Variants in SLC2A13 observed in about 807,000 individuals in gnomAD.
SLC2A13 encodes the protein solute carrier family 2 member 13, also known as proton myo-inositol cotransporter.
SLC2A13 carries 32 observed loss-of-function variants against 64.4 expected under a neutral mutation model. The ratio of observed to expected loss-of-function variants is 0.50; its 90% CI spans 0.37 to 0.67. The LOEUF (loss-of-function observed/expected upper bound fraction) is 0.67. Among genes scored for constraint, SLC2A13 ranks in the 30% least tolerant of loss-of-function variants. The probability of loss-of-function intolerance (pLI) is 0.00; values close to 1 mark genes in which losing one functional copy is unlikely to be tolerated. For synonymous variants in SLC2A13, 338 were observed against 327.1 expected, an observed-to-expected ratio of 1.03 and a Z score of -0.36; for missense variants, 743 against 829.2, an observed-to-expected ratio of 0.90 and a Z score of 1.28.
At chr12:40,044,588 T>C (rs1264945250) in intron 2 of SLC2A13, among the ~76,000 whole-genome samples, 1 of 152,208 alleles carries the variant, frequency 6.6e-6, no homozygotes, top group Non-Finnish European at 1.5e-5. Context: ...GTACAGAATG[T>C]ACTATGATAA....
chr12:39,919,199 G>A (rs551544101), intron 4 of SLC2A13, among the ~76,000 whole-genome samples: 1 of 152,118 alleles, frequency 6.6e-6, no homozygotes, highest in African/African-American at 2.4e-5. Flanking sequence ...AAAATGCTGG[G>A]ATTCCTGGTG....
intron 1 of SLC2A13, among the ~76,000 whole-genome samples, chr12:40,062,385 GA>G (rs11375829): frequency 1.3e-5 from 2 of 150,512 alleles, no homozygotes; most frequent in African/African-American, 4.9e-5. Context: ...AGCTTCAGGG[GA>G]AAAAAAAATC....
chr12:39,920,885 A>T (rs538209054), intron 4 of SLC2A13, among the ~76,000 whole-genome samples: 1 of 152,184 alleles, frequency 6.6e-6, no homozygotes, highest in South Asian at 2.1e-4. Flanking sequence ...AGCTAGCGAC[A>T]CATCATCAAA....
At chr12:39,836,087 G>C (rs1489595754) in intron 6 of SLC2A13, among the ~76,000 whole-genome samples, 2 of 152,060 alleles carry the variant, frequency 1.3e-5, no homozygotes, top group Admixed American at 6.6e-5. Flanking sequence ...GAAAGAAAGA[G>C]CTCTCTTTGA....
chr12:39,806,460 C>T (rs115257437), intron 7 of SLC2A13, among the ~76,000 whole-genome samples: 1 of 152,100 alleles, frequency 6.6e-6, no homozygotes, highest in Non-Finnish European at 1.5e-5. Flanking sequence ...TATATATTTT[C>T]CCTGGGATCC....
intron 4 of SLC2A13, among the ~76,000 whole-genome samples, chr12:39,878,836 C>T (rs1944265696): frequency 1.3e-5 from 2 of 152,192 alleles, no homozygotes; most frequent in Non-Finnish European, 2.9e-5. Flanking sequence ...GTGCTAATAG[C>T]CAAGACTATG....
chr12:40,025,428 T>A (rs1283911803), intron 3 of SLC2A13, among the ~76,000 whole-genome samples: 1 of 152,048 alleles, frequency 6.6e-6, no homozygotes, highest in East Asian at 1.9e-4. Flanking sequence ...GAAAAAAAAA[T>A]TCCTATGAAA....
intron 1 of SLC2A13, among the ~76,000 whole-genome samples, chr12:40,098,045 ATG>A (rs1368856451): frequency 1.3e-5 from 2 of 151,002 alleles, no homozygotes; most frequent in Admixed American, 6.6e-5. Context: ...ATATGTATAT[ATG>A]TGTATATATG....
chr12:39,960,671 G>A (rs946235788), intron 3 of SLC2A13, among the ~76,000 whole-genome samples: 2 of 151,088 alleles, frequency 1.3e-5, no homozygotes, highest in African/African-American at 2.4e-5. Flanking sequence ...GAGCCACCGC[G>A]CCCGGCCTAA....
intron 5 of SLC2A13, among the ~76,000 whole-genome samples, chr12:39,871,344 A>T (rs1944047628): frequency 6.6e-6 from 1 of 151,956 alleles, no homozygotes; most frequent in Non-Finnish European, 1.5e-5. Context: ...TTGTGAAGAA[A>T]TTACATGGTT....
intron 2 of SLC2A13, among the ~76,000 whole-genome samples, chr12:40,032,406 T>C (rs1947919093): frequency 6.6e-6 from 1 of 152,238 alleles, no homozygotes; most frequent in African/African-American, 2.4e-5. Context: ...TAAAATTTTC[T>C]AAACTTACAG....
intron 6 of SLC2A13, among the ~76,000 whole-genome samples, chr12:39,863,174 C>A (rs979932326): frequency 5.9e-5 from 9 of 152,044 alleles, no homozygotes; most frequent in African/African-American, 1.7e-4. Flanking sequence ...ACTTCTCTTA[C>A]CTCATTAAAA....
At chr12:39,892,919 A>C (rs993903321) in intron 4 of SLC2A13, among the ~76,000 whole-genome samples, 4 of 152,222 alleles carry the variant, frequency 2.6e-5, no homozygotes, top group Admixed American at 1.3e-4. Context: ...TTAGCAAAGA[A>C]AAAAAGCAAA....
rs111716178 is a variant in SLC2A13 at position 39,825,206 on chromosome 12, C to G, written c.1445+4897G>C. Reference sequence around the variant, plus strand: ...AAGAAAGTGTCCCTCATTAGCAATACTATTTTAAATAGTCAGGAGGTTTGA... The same window carrying G: ...AAGAAAGTGTCCCTCATTAGCAATAGTATTTTAAATAGTCAGGAGGTTTGA... On this transcript the variant is annotated intron_variant, in intron 7 of 9. Coordinates refer to ENST00000280871, the MANE Select transcript of SLC2A13 (RefSeq NM_052885.4). 1.9e-3 allele frequency among the ~76,000 whole-genome samples: 287 copies of G among 152,100 alleles called. 2 individuals carry two copies. The highest frequency in any genetic ancestry group is 6.5e-3 in the African/African-American group (271 of 41,488).
At chr12:39,872,999 T>C (rs1186226576) in intron 4 of SLC2A13, among the ~76,000 whole-genome samples, 1 of 152,200 alleles carries the variant, frequency 6.6e-6, no homozygotes, top group Non-Finnish European at 1.5e-5. Flanking sequence ...TTCATAATAT[T>C]TCAAAAATCA....
intron 3 of SLC2A13, among the ~76,000 whole-genome samples, chr12:39,977,883 C>A (rs968074211): frequency 2.2e-4 from 34 of 152,240 alleles, no homozygotes; most frequent in Non-Finnish European, 4.0e-4. Flanking sequence ...TTCACCCTTT[C>A]TCTGGCATTA....
At chr12:40,005,742 G>T (rs916693437) in intron 3 of SLC2A13, among the ~76,000 whole-genome samples, 1 of 152,174 alleles carries the variant, frequency 6.6e-6, no homozygotes, top group African/African-American at 2.4e-5. Context: ...CCACTAAGTG[G>T]CAGTGTGCCA....
At chr12:39,991,945 G>A (rs571776072) in intron 3 of SLC2A13, among the ~76,000 whole-genome samples, 2 of 152,234 alleles carry the variant, frequency 1.3e-5, no homozygotes, top group South Asian at 2.1e-4. Flanking sequence ...AGGCATCCTT[G>A]TTCCTCTTCT....
At chr12:39,833,346 T>C (rs934105367) in intron 6 of SLC2A13, among the ~76,000 whole-genome samples, 11 of 152,068 alleles carry the variant, frequency 7.2e-5, no homozygotes, top group African/African-American at 2.7e-4. Context: ...TATTTCGCCC[T>C]TTTTTTAAAT....
Sources: allele counts gnomAD v4.1 joint callset (sites outside exome capture counted in the v4.1 genomes callset), GRCh38; gene constraint gnomAD v4.1.1; transcripts MANE v1.5; gene names NCBI Gene and HGNC (gene_info 2026-07-23, HGNC 2026-07-21).